The following TPD52L1 variants were observed in gnomAD, a reference collection of about 807,000 sequenced individuals.
The protein encoded by TPD52L1 is tumor protein D53.
A neutral mutation model predicts 28.7 loss-of-function variants in TPD52L1; 18 were observed. That is an observed-to-expected ratio of 0.63 (90% CI 0.43 to 0.93). TPD52L1 has a LOEUF of 0.93. Ranked by LOEUF, TPD52L1 falls within the 40% of genes least tolerant of loss-of-function variation. The pLI, the probability that TPD52L1 is intolerant of heterozygous loss-of-function variation, is 0.00. For synonymous variants in TPD52L1, 75 were observed against 88.8 expected (o/e 0.84, Z 0.88); for missense variants, 203 against 254.8 (o/e 0.80, Z 1.39).
chr6:125,200,607 T>G (rs1793742199), intron 1 of TPD52L1, among the ~76,000 whole-genome samples: 1 of 152,360 alleles, frequency 6.6e-6, no homozygotes, highest in East Asian at 1.9e-4. Context: ...AACAATTTGG[T>G]ACATATCCTT....
chr6:125,205,464 T>C (rs183658239), intron 1 of TPD52L1, among the ~76,000 whole-genome samples: 5 of 152,308 alleles, frequency 3.3e-5, no homozygotes, highest in African/African-American at 1.2e-4. Context: ...GCATACTGTA[T>C]AGGCACAAGC....
chr6:125,262,238 GAC>G (rs1026486002), intron 6 of TPD52L1: 2 of 152,420 alleles, frequency 1.3e-5, no homozygotes, highest in African/African-American at 2.4e-5. Context: ...TTTGGGTGAG[GAC>G]ACAGCCAAAC....
chr6:125,215,723 G>A (rs1290422290), intron 1 of TPD52L1, among the ~76,000 whole-genome samples: 1 of 152,190 alleles, frequency 6.6e-6, no homozygotes, highest in African/African-American at 2.4e-5. Flanking sequence ...TGGGTACTGG[G>A]TCTGTCTTTC....
chr6:125,251,977 G>T (rs2115045807), intron 4 of TPD52L1: 1 of 1,535,328 alleles, frequency 6.5e-7, no homozygotes, highest in East Asian at 2.4e-5. Context: ...CCTCCTGTTT[G>T]CTAACTCTGC....
intron 3 of TPD52L1, 26 bp from the exon 4 acceptor site, chr6:125,248,256 A>C: frequency 6.3e-7 from 1 of 1,575,876 alleles, no homozygotes; most frequent in Non-Finnish European, 8.7e-7. Flanking sequence ...TGATATAAAA[A>C]CCATGTTGTT....
intron 4 of TPD52L1, among the ~76,000 whole-genome samples, chr6:125,251,103 G>C (rs769517709): frequency 1.6e-5 from 2 of 125,736 alleles, no homozygotes; most frequent in Non-Finnish European, 3.0e-5. Context: ...CATTTTGAAA[G>C]TGTTTAAACT....
chr6:125,245,944 C>A (rs1034997869), intron 3 of TPD52L1, among the ~76,000 whole-genome samples: 9 of 152,220 alleles, frequency 5.9e-5, no homozygotes, highest in Non-Finnish European at 1.2e-4. Context: ...ACTCACCCCC[C>A]AGATTCTGCT....
chr6:125,190,330 A>T (rs1359747270), intron 1 of TPD52L1, among the ~76,000 whole-genome samples: 1 of 151,982 alleles, frequency 6.6e-6, no homozygotes, highest in Non-Finnish European at 1.5e-5. Flanking sequence ...TTTTTTCTGA[A>T]AACAGTACTG....
intron 3 of TPD52L1, among the ~76,000 whole-genome samples, chr6:125,246,807 CT>C (rs1272239118): frequency 2.0e-5 from 3 of 151,654 alleles, no homozygotes; most frequent in African/African-American, 7.3e-5. Context: ...AAATTACCCC[CT>C]AGTCACCAGA....
intron 1 of TPD52L1, among the ~76,000 whole-genome samples, chr6:125,187,025 A>G (rs1316585255): frequency 1.3e-5 from 2 of 152,140 alleles, no homozygotes; most frequent in African/African-American, 4.8e-5. Flanking sequence ...AATTTAATAG[A>G]CAAACAATAG....
chr6:125,235,357 A>G (rs2115002483), intron 3 of TPD52L1, among the ~76,000 whole-genome samples: 1 of 152,184 alleles, frequency 6.6e-6, no homozygotes, highest in South Asian at 2.1e-4. Context: ...TGGAAGGAGA[A>G]TTGTCTTGGG....
chr6:125,182,901 C>A (rs1343815478), intron 1 of TPD52L1, among the ~76,000 whole-genome samples: 3 of 152,154 alleles, frequency 2.0e-5, no homozygotes, highest in Admixed American at 2.0e-4. Flanking sequence ...TTCACACACA[C>A]ATAGATGGTG....
At chr6:125,203,191 A>C (rs1202199696) in intron 1 of TPD52L1, among the ~76,000 whole-genome samples, 1 of 152,150 alleles carries the variant, frequency 6.6e-6, no homozygotes, top group Non-Finnish European at 1.5e-5. Flanking sequence ...TAGTTTTTCT[A>C]TTCCCATTTC....
chr6:125,262,548 G>A (rs3799722), intron 6 of TPD52L1: 1 of 250,712 alleles, frequency 4.0e-6, no homozygotes, highest in Non-Finnish European at 7.7e-6. Flanking sequence ...CAAGTCCATG[G>A]ATCCGATTAT....
intron 2 of TPD52L1, among the ~76,000 whole-genome samples, chr6:125,223,621 A>G (rs979092948): frequency 4.2e-5 from 6 of 144,400 alleles, no homozygotes; most frequent in African/African-American, 1.5e-4. Context: ...AGGCACAAGA[A>G]TTGCTTGAAC....
chr6:125,155,772 G>A (rs1790078185), intron 1 of TPD52L1, among the ~76,000 whole-genome samples: 2 of 152,180 alleles, frequency 1.3e-5, no homozygotes, highest in South Asian at 4.1e-4. Flanking sequence ...TTGTGTCCCT[G>A]TCTCTGTTCT....
chr6:125,261,006 GA>G (rs1797988547), intron 6 of TPD52L1: 1 of 44,294 alleles, frequency 2.3e-5, no homozygotes, highest in Non-Finnish European at 3.8e-5. Context: ...AAGAAAGAAA[GA>G]AAGAAAGAAA....
At chr6:125,250,606 G>A (rs56352058) in intron 4 of TPD52L1, among the ~76,000 whole-genome samples, 6,357 of 152,262 alleles carry the variant, frequency 0.042, 169 homozygotes, top group African/African-American at 0.084. Context: ...GGAGCCCACT[G>A]TATTTCATAA....
chr6:125,197,258 G>A (rs1793508056), intron 1 of TPD52L1, among the ~76,000 whole-genome samples: 1 of 152,134 alleles, frequency 6.6e-6, no homozygotes, highest in African/African-American at 2.4e-5. Context: ...GTGTTATCAT[G>A]TTGACCTTCC....
Sources: gnomAD v4.1 joint callset for allele counts (sites outside exome capture counted in the v4.1 genomes callset) on GRCh38, gnomAD v4.1.1 for gene constraint, MANE v1.5 for transcripts, NCBI Gene and HGNC (gene_info 2026-07-23, HGNC 2026-07-21) for gene names.